The following IMMP2L variants were observed in gnomAD, a reference collection of about 807,000 sequenced individuals.
The protein encoded by IMMP2L is mitochondrial inner membrane protease subunit 2.
IMMP2L carries 18 observed loss-of-function variants against 19.3 expected under a neutral mutation model. The observed-to-expected ratio is 0.93, with a 90% CI of 0.64 to 1.38. The LOEUF (loss-of-function observed/expected upper bound fraction) is 1.38. Ranked by LOEUF, IMMP2L falls within the 40% of genes most tolerant of loss-of-function variation. The pLI is 0.00. For missense variants in IMMP2L, 233 were observed against 218.2 expected, an observed-to-expected ratio of 1.07 and a Z score of -0.43; for synonymous variants, 76 against 73.0, an observed-to-expected ratio of 1.04 and a Z score of -0.21.
chr7:111,282,210 G>T (rs777430250), intron 3 of IMMP2L, among the ~76,000 whole-genome samples: 2 of 152,150 alleles, frequency 1.3e-5, no homozygotes, highest in African/African-American at 4.8e-5. Flanking sequence ...TCAACTTCTG[G>T]CATGACAGTA....
At chr7:111,554,346 T>C (rs924499634) in intron 1 of IMMP2L, among the ~76,000 whole-genome samples, 1 of 151,960 alleles carries the variant, frequency 6.6e-6, no homozygotes, top group Admixed American at 6.6e-5. Flanking sequence ...CACAAAAATA[T>C]CTTGCAATAA....
chr7:111,328,150 T>C (rs1354864555), intron 3 of IMMP2L, among the ~76,000 whole-genome samples: 2 of 151,802 alleles, frequency 1.3e-5, no homozygotes, highest in Non-Finnish European at 3.0e-5. Flanking sequence ...AACAGCACCA[T>C]TAAAACAGCT....
intron 3 of IMMP2L, among the ~76,000 whole-genome samples, chr7:111,196,038 G>C (rs905716365): frequency 6.6e-6 from 1 of 151,802 alleles, no homozygotes; most frequent in East Asian, 1.9e-4. Context: ...CCACCGTTTT[G>C]TTTTGTTTTG....
chr7:110,793,012 T>C (rs1373404006), intron 5 of IMMP2L, among the ~76,000 whole-genome samples: 2 of 151,986 alleles, frequency 1.3e-5, no homozygotes, highest in East Asian at 1.9e-4. Flanking sequence ...CACTTACACA[T>C]GGAATCTAAA....
At chr7:110,672,965 C>T (rs1792026528) in intron 5 of IMMP2L, among the ~76,000 whole-genome samples, 1 of 152,332 alleles carries the variant, frequency 6.6e-6, no homozygotes, top group Non-Finnish European at 1.5e-5. Flanking sequence ...TGGTGGCCCT[C>T]TTCTCACAGT....
At chr7:110,734,657 A>G (rs7807935) in intron 5 of IMMP2L, among the ~76,000 whole-genome samples, 117,444 of 152,050 alleles carry the variant, frequency 0.77, 45,486 homozygotes, top group East Asian at 0.88. Context: ...ATAAAAGTGA[A>G]AGAGGAGAAA....
At chr7:111,385,892 T>C (rs12532143) in intron 3 of IMMP2L, among the ~76,000 whole-genome samples, 53,209 of 151,810 alleles carry the variant, frequency 0.35, 10,001 homozygotes, top group South Asian at 0.6. Flanking sequence ...GGTGAAGGAA[T>C]AAACTCAACC....
intron 5 of IMMP2L, among the ~76,000 whole-genome samples, chr7:110,765,986 T>C (rs953766854): frequency 6.6e-6 from 1 of 152,194 alleles, no homozygotes; most frequent in African/African-American, 2.4e-5. Context: ...GTTGTGCACA[T>C]TGTGGGTGTT....
chr7:110,946,830 C>T (rs1006289223), intron 4 of IMMP2L, among the ~76,000 whole-genome samples: 4 of 145,300 alleles, frequency 2.8e-5, no homozygotes, highest in East Asian at 4.1e-4. Context: ...ACACCATTCT[C>T]CTGCCTCAGC....
intron 3 of IMMP2L, among the ~76,000 whole-genome samples, chr7:111,300,907 A>T (rs1420297538): frequency 6.6e-6 from 1 of 152,158 alleles, no homozygotes; most frequent in Non-Finnish European, 1.5e-5. Context: ...ACATTCATGT[A>T]CAGGTTTTTG....
At chr7:111,476,782 A>C (rs993653438) in intron 3 of IMMP2L, among the ~76,000 whole-genome samples, 2 of 152,146 alleles carry the variant, frequency 1.3e-5, no homozygotes, top group African/African-American at 2.4e-5. Flanking sequence ...GGCTGTAACA[A>C]TGTGTTGCAT....
chr7:110,905,290 C>T (rs1483899300), intron 4 of IMMP2L, among the ~76,000 whole-genome samples: 1 of 152,084 alleles, frequency 6.6e-6, no homozygotes, highest in Non-Finnish European at 1.5e-5. Context: ...ATTGTCAAGT[C>T]TGTGATTGCC....
intron 3 of IMMP2L, among the ~76,000 whole-genome samples, chr7:111,241,135 A>T (rs546425303): frequency 6.6e-6 from 1 of 152,114 alleles, no homozygotes; most frequent in South Asian, 2.1e-4. Context: ...TTTACGTTTA[A>T]ATCTTACTTT....
At chr7:110,813,804 C>T (rs905338085) in intron 5 of IMMP2L, among the ~76,000 whole-genome samples, 1 of 150,900 alleles carries the variant, frequency 6.6e-6, no homozygotes, top group Non-Finnish European at 1.5e-5. Context: ...TATTTATTAA[C>T]TCTACTAAAG....
intron 4 of IMMP2L, among the ~76,000 whole-genome samples, chr7:110,905,899 TAAG>T (rs888454888): frequency 6.6e-6 from 1 of 152,208 alleles, no homozygotes; most frequent in Non-Finnish European, 1.5e-5. Context: ...TCTTTTGAAA[TAAG>T]AAGTCATTCT....
chr7:110,674,328 T>C (rs1445286621), intron 5 of IMMP2L, among the ~76,000 whole-genome samples: 2 of 152,024 alleles, frequency 1.3e-5, no homozygotes, highest in East Asian at 1.9e-4. Flanking sequence ...CCATGACACA[T>C]GGGGATTATG....
At chr7:110,685,601 A>G (rs994451322) in intron 5 of IMMP2L, among the ~76,000 whole-genome samples, 1 of 152,102 alleles carries the variant, frequency 6.6e-6, no homozygotes, top group Non-Finnish European at 1.5e-5. Context: ...TGGTGATACT[A>G]GTTTATGATG....
At chr7:110,979,435 T>A (rs1250052641) in intron 3 of IMMP2L, among the ~76,000 whole-genome samples, 3 of 152,186 alleles carry the variant, frequency 2.0e-5, no homozygotes, top group Non-Finnish European at 4.4e-5. Context: ...GTCATTTTTT[T>A]AAATTAATAG....
chr7:110,810,777 T>C (rs1198496449), intron 5 of IMMP2L, among the ~76,000 whole-genome samples: 1 of 152,070 alleles, frequency 6.6e-6, no homozygotes, highest in Non-Finnish European at 1.5e-5. Context: ...AAACAATACC[T>C]GAATTTGTGA....
Sources: gnomAD v4.1 joint callset for allele counts (sites outside exome capture counted in the v4.1 genomes callset) on GRCh38, gnomAD v4.1.1 for gene constraint, MANE v1.5 for transcripts, NCBI Gene and HGNC (gene_info 2026-07-23, HGNC 2026-07-21) for gene names.